Variants in SLC36A1 observed in about 807,000 individuals in gnomAD.
SLC36A1 encodes proton-coupled amino acid transporter 1.
Under a neutral mutation model 47.5 loss-of-function variants are expected in SLC36A1, and 30 were observed. The observed-to-expected ratio is 0.63, with a 90% confidence interval of 0.47 to 0.86. The LOEUF (loss-of-function observed/expected upper bound fraction) is 0.86. Among genes scored for constraint, SLC36A1 ranks in the 40% least tolerant of loss-of-function variants. SLC36A1 has a pLI of 0.00. For missense variants in SLC36A1, 517 were observed against 606.0 expected (o/e 0.85, Z 1.54); for synonymous variants, 255 against 249.7 (o/e 1.02, Z -0.20).
chr5:151,474,984 C>T (rs528167683), intron 8 of SLC36A1, among the ~76,000 whole-genome samples: 9 of 152,304 alleles, frequency 5.9e-5, no homozygotes, highest in African/African-American at 9.6e-5. Flanking sequence ...TGATGGAACA[C>T]GTTGAAGCTC....
the SLC36A1 span, among the ~76,000 whole-genome samples, chr5:151,398,392 C>T: frequency 0.54 from 81,796 of 152,004 alleles, 25,201 homozygotes; most frequent in African/African-American, 0.86. Context: ...TGCAGGTGTG[C>T]GGGCTGAAAT....
chr5:151,517,870 C>T, the SLC36A1 span: 28 of 1,388,612 alleles, frequency 2.0e-5, no homozygotes, highest in Non-Finnish European at 2.7e-5. Context: ...AGAATCATTG[C>T]TCATATTTTA....
chr5:151,449,293 T>C (rs1054796274), intron 1 of SLC36A1, among the ~76,000 whole-genome samples: 7 of 152,246 alleles, frequency 4.6e-5, no homozygotes, highest in African/African-American at 1.7e-4. Flanking sequence ...GGCCCTCTTC[T>C]GACTCTTGTC....
At chr5:151,348,034 C>T in the SLC36A1 span, among the ~76,000 whole-genome samples, 3 of 152,298 alleles carry the variant, frequency 2.0e-5, no homozygotes, top group Non-Finnish European at 1.5e-5. Flanking sequence ...GTAGAGGTTT[C>T]CATGTCTCAC....
the SLC36A1 span, among the ~76,000 whole-genome samples, chr5:151,554,017 G>A: frequency 1.3e-5 from 2 of 152,210 alleles, no homozygotes; most frequent in Non-Finnish European, 2.9e-5. Context: ...TTTTACAAAT[G>A]ATAAAGGTTA....
the SLC36A1 span, among the ~76,000 whole-genome samples, chr5:151,409,590 G>A: frequency 1.3e-5 from 2 of 152,166 alleles, no homozygotes. Flanking sequence ...CTATGAACCA[G>A]CAGCATCAGC....
At chr5:151,545,233 C>CT in the SLC36A1 span, 1 of 1,614,164 alleles carries the variant, frequency 6.2e-7, no homozygotes, top group Admixed American at 1.7e-5. Flanking sequence ...AAACTGCAAG[C>CT]TTTTGTCAAG....
chr5:151,446,823 T>G (rs1008811429), upstream of SLC36A1, among the ~76,000 whole-genome samples: 1 of 152,240 alleles, frequency 6.6e-6, no homozygotes, highest in Non-Finnish European at 1.5e-5. Flanking sequence ...TATTTCCTTA[T>G]TTTCTCTCTA....
chr5:151,425,964 C>CTCCCTCTATCTA, the SLC36A1 span, among the ~76,000 whole-genome samples: 1 of 148,052 alleles, frequency 6.8e-6, no homozygotes, highest in African/African-American at 2.5e-5. Context: ...CTCTCTCTCC[C>CTCCCTCTATCTA]TCTATCTATC....
intron 2 of SLC36A1, among the ~76,000 whole-genome samples, chr5:151,462,973 T>G (rs1755769863): frequency 1.3e-5 from 2 of 151,950 alleles, no homozygotes; most frequent in South Asian, 4.1e-4. Context: ...CCTCCCGGGT[T>G]CAAGCAATTC....
At chr5:151,402,095 G>C in the SLC36A1 span, among the ~76,000 whole-genome samples, 1 of 152,156 alleles carries the variant, frequency 6.6e-6, no homozygotes, top group Non-Finnish European at 1.5e-5. Context: ...TTCGGCTTTT[G>C]CCCATTCAGG....
intron 1 of SLC36A1, among the ~76,000 whole-genome samples, chr5:151,439,126 G>C (rs1047564435): frequency 6.6e-6 from 1 of 152,092 alleles, no homozygotes; most frequent in Non-Finnish European, 1.5e-5. Context: ...AGGAGAGAGA[G>C]AGAGAGAGAG....
chr5:151,417,102 G>A, the SLC36A1 span, among the ~76,000 whole-genome samples: 1 of 152,118 alleles, frequency 6.6e-6, no homozygotes, highest in African/African-American at 2.4e-5. Context: ...ACCCAGTCTT[G>A]GGCAGTTCTT....
chr5:151,347,652 C>T, the SLC36A1 span: 23 of 619,356 alleles, frequency 3.7e-5, no homozygotes, highest in South Asian at 2.5e-4. Flanking sequence ...AGCCAGTGGA[C>T]GAGGACTCCT....
chr5:151,407,559 T>C, the SLC36A1 span, among the ~76,000 whole-genome samples: 3 of 151,410 alleles, frequency 2.0e-5, no homozygotes, highest in East Asian at 1.9e-4. Flanking sequence ...AGAGCGCTGA[T>C]TGGTACATTT....
At chr5:151,440,170 T>C (rs886701720) in intron 1 of SLC36A1, among the ~76,000 whole-genome samples, 2 of 152,024 alleles carry the variant, frequency 1.3e-5, no homozygotes, top group African/African-American at 4.8e-5. Context: ...CTTTACAGTG[T>C]AGCAGGCAAC....
chr5:151,404,066 G>A, the SLC36A1 span, among the ~76,000 whole-genome samples: 1 of 152,164 alleles, frequency 6.6e-6, no homozygotes, highest in African/African-American at 2.4e-5. Context: ...CATAGGTCTG[G>A]AAGTACTTGT....
At chr5:151,511,943 A>C in the SLC36A1 span, 1 of 569,788 alleles carries the variant, frequency 1.8e-6, no homozygotes. Context: ...ATCCTCCCTC[A>C]TCCCCCCAGA....
Position 151,491,072 on chromosome 5 carries a change from A to G in SLC36A1, c.*2818A>G, listed in dbSNP as rs1380037115. On this transcript the variant is annotated 3_prime_UTR_variant, in exon 11 of 11. Transcript: ENST00000243389. ...CTGTGACCCTGCTCCTGTCACCCCA[A>G]TTTCTCCAAGCCAGAGGTAGCTTTC... 1 of 152,090 alleles carries G rather than the reference A, an allele frequency of 6.6e-6. No individual in the cohort carries two copies. The highest frequency in any genetic ancestry group is 2.4e-5 in the African/African-American group (1 of 41,302). The allele number at this position is 152,090 out of a possible 1,614,324, so 9.4% of individuals were successfully genotyped here. A position where few individuals can be genotyped will look rare whatever the true frequency, so the allele number is the denominator to read the frequency against.
Sources: allele counts gnomAD v4.1 joint callset (sites outside exome capture counted in the v4.1 genomes callset), GRCh38; gene constraint gnomAD v4.1.1; transcripts MANE v1.5; gene names NCBI Gene and HGNC (gene_info 2026-07-23, HGNC 2026-07-21).